Variants in EPB41 observed in about 807,000 individuals in gnomAD.
EPB41 encodes erythrocyte membrane protein band 4.1, also known as protein 4.1.
A neutral mutation model predicts 108.0 loss-of-function variants in EPB41; 65 were observed. The ratio of observed to expected loss-of-function variants is 0.60; its 90% CI spans 0.49 to 0.74. EPB41 has a LOEUF of 0.74. Among genes scored for constraint, EPB41 ranks in the 30% least tolerant of loss-of-function variants. EPB41 has a pLI of 0.00. For missense variants in EPB41, 875 were observed against 1,037.0 expected (o/e 0.84, Z 2.15); for synonymous variants, 336 against 358.9 (o/e 0.94, Z 0.72).
rs1574142841 is a variant in EPB41, at chr1:29,116,990, A to C, written c.*178A>C. The C allele has an allele frequency of 6.6e-6, 1 of 152,220 alleles. No individual in the cohort carries two copies. The highest frequency in any genetic ancestry group is 1.9e-4 in the East Asian group (1 of 5,206). 9.4% of individuals were successfully genotyped at this position (152,220 alleles called of 1,614,324 possible). On this transcript the variant is annotated 3_prime_UTR_variant, in exon 21 of 21. Transcript: ENST00000343067. ...ATACCAAGAGATTCTTCTAGATCTC[A>C]TTGATCCTTTTGAAGAGCTTTTTCT...
At chr1:28,961,319 C>T (rs1398795441) in intron 1 of EPB41, among the ~76,000 whole-genome samples, 1 of 152,020 alleles carries the variant, frequency 6.6e-6, no homozygotes, top group Non-Finnish European at 1.5e-5. Context: ...GAAAAATCAC[C>T]TTACATGAAT....
chr1:28,937,142 A>T (rs1192605542), intron 1 of EPB41, among the ~76,000 whole-genome samples: 1 of 152,156 alleles, frequency 6.6e-6, no homozygotes, highest in Non-Finnish European at 1.5e-5. Flanking sequence ...AGGGGTTTTG[A>T]ATTGCATTTC....
At chr1:29,020,732 G>A (rs1161978483) in intron 7 of EPB41, among the ~76,000 whole-genome samples, 1 of 151,996 alleles carries the variant, frequency 6.6e-6, no homozygotes, top group Non-Finnish European at 1.5e-5. Context: ...ATCATAGCTC[G>A]CTGCAGCTTC....
intron 19 of EPB41, among the ~76,000 whole-genome samples, chr1:29,112,739 A>G (rs185201835): frequency 6.6e-6 from 1 of 152,326 alleles, no homozygotes; most frequent in East Asian, 1.9e-4. Flanking sequence ...TCCATTTTGC[A>G]TCTGTAAGAT....
chr1:29,108,028 CA>C (rs1174568864), intron 17 of EPB41, among the ~76,000 whole-genome samples: 836 of 44,342 alleles, frequency 0.019, 2 homozygotes, highest in African/African-American at 0.05. Flanking sequence ...GACTCCATCT[CA>C]AAAAAAAAAA....
rs111642750 is a variant in EPB41 at position 28,993,501 on chromosome 1, G to A, written c.640G>A (p.Val214Ile). The change falls in exon 3 of 21, where the codon GTT becomes ATT. Residue 214 changes from valine (V) to isoleucine (I), a missense_variant. Physicochemically the swap from Val to Ile is conservative, Grantham distance 29. Coordinates refer to ENST00000343067, the MANE Select transcript of EPB41 (RefSeq NM_001376013.1). ...AAAACACAGGAACATGCACTGCAAGGTTTCTTTGTTGGATGACACAGTTTA... is the reference window on the plus strand; with the variant it reads ...AAAACACAGGAACATGCACTGCAAGATTTCTTTGTTGGATGACACAGTTTA... Reference protein sequence around the residue: ...IRKHRNMHCKVSLLDDTVYEC... With the variant: ...IRKHRNMHCKISLLDDTVYEC... The A allele has an allele frequency of 0.043, 68,907 of 1,613,946 alleles. 1,701 individuals carry two copies. Among genetic ancestry groups the A allele is most frequent in the Middle Eastern group, 0.064 (387 of 6,054 alleles).
At chr1:28,999,392 C>T (rs952607905) in intron 4 of EPB41, among the ~76,000 whole-genome samples, 6 of 151,858 alleles carry the variant, frequency 4.0e-5, no homozygotes, top group Non-Finnish European at 8.8e-5. Flanking sequence ...AAAGAAAATT[C>T]TCCCATGAAT....
intron 5 of EPB41, among the ~76,000 whole-genome samples, chr1:29,013,177 T>C (rs765156637): frequency 6.6e-6 from 1 of 151,926 alleles, no homozygotes; most frequent in Non-Finnish European, 1.5e-5. Context: ...ATACAAAAAT[T>C]AGCTGGGTGT....
At chr1:28,981,461 T>C (rs1456105450) in intron 1 of EPB41, among the ~76,000 whole-genome samples, 1 of 152,240 alleles carries the variant, frequency 6.6e-6, no homozygotes, top group African/African-American at 2.4e-5. Context: ...CTTCAAAATA[T>C]AAATGATTGT....
At chr1:29,022,407 A>G (rs559798068) in intron 7 of EPB41, among the ~76,000 whole-genome samples, 3 of 150,948 alleles carry the variant, frequency 2.0e-5, no homozygotes, top group Non-Finnish European at 4.4e-5. Context: ...TGCCATTGAT[A>G]AGTTTTAGTG....
intron 16 of EPB41, among the ~76,000 whole-genome samples, chr1:29,077,673 T>C (rs574209831): frequency 6.6e-6 from 1 of 152,316 alleles, no homozygotes; most frequent in South Asian, 2.1e-4. Flanking sequence ...AGGCAAACTT[T>C]TTCTGTAAAG....
Position 28,933,926 on chromosome 1 carries a change from T to A in EPB41, c.-8+19158T>A, listed in dbSNP as rs188538564. ...ATATTAGTATAGTATATTTTTAACATTAGTAAACTGATATTGATACATTAT... is the reference window on the plus strand; with the variant it reads ...ATATTAGTATAGTATATTTTTAACAATAGTAAACTGATATTGATACATTAT... On this transcript the variant is annotated intron_variant, in intron 1 of 20. Coordinates refer to ENST00000343067, the MANE Select transcript of EPB41 (RefSeq NM_001376013.1). Among the ~76,000 whole-genome samples, 88 of 152,310 alleles carry A rather than the reference T, an allele frequency of 5.8e-4. 1 individual carries two copies. The East Asian group carries it at 0.014, about 24-fold the overall frequency.
chr1:29,098,067 C>T, intron 17 of EPB41, 132 bp downstream of exon 17: 2 of 1,332,624 alleles, frequency 1.5e-6, no homozygotes, highest in Non-Finnish European at 2.1e-6. Context: ...GAAGAGATTA[C>T]TGGTCTAAGA....
At chr1:29,067,510 A>G (rs1477346641) in intron 16 of EPB41, among the ~76,000 whole-genome samples, 1 of 148,696 alleles carries the variant, frequency 6.7e-6, no homozygotes, top group Non-Finnish European at 1.5e-5. Flanking sequence ...AAAAAAAAAA[A>G]AAAAAAAAAA....
intron 11 of EPB41, among the ~76,000 whole-genome samples, chr1:29,046,055 A>G (rs1174169819): frequency 1.3e-5 from 2 of 152,240 alleles, no homozygotes; most frequent in African/African-American, 2.4e-5. Flanking sequence ...TTTGGTACAT[A>G]GAAATACAAT....
At chr1:29,055,003 A>C (rs1645127565) in intron 12 of EPB41, among the ~76,000 whole-genome samples, 1 of 152,210 alleles carries the variant, frequency 6.6e-6, no homozygotes, top group African/African-American at 2.4e-5. Context: ...ACACCACTGC[A>C]CTCCAGCCTG....
At position 29,070,183 on chromosome 1, in the gene EPB41, C is replaced by G. The variant is rs1313557524; in HGVS notation, c.2184+5025C>G. The G allele has an allele frequency of 9.7e-6, 4 of 410,788 alleles. No individual in the cohort carries two copies. In the Admixed American group the frequency reaches 1.3e-4, roughly 14 times the overall value. The allele number at this position is 410,788 out of a possible 1,614,324, so 25.4% of individuals were successfully genotyped here. A position where few individuals can be genotyped will look rare whatever the true frequency, so the allele number is the denominator to read the frequency against. ...CTCAAAAAGGTATCTATTGAGCACC[C>G]TATTGTGTTACAGAAACTTTGCCAG... On this transcript the variant is annotated intron_variant, in intron 16 of 20. Coordinates refer to ENST00000343067, the MANE Select transcript of EPB41 (RefSeq NM_001376013.1).
intron 3 of EPB41, among the ~76,000 whole-genome samples, chr1:28,993,787 G>T (rs1420186279): frequency 6.6e-6 from 1 of 151,160 alleles, no homozygotes; most frequent in Non-Finnish European, 1.5e-5. Flanking sequence ...CTCCCGAGTA[G>T]CTGGGATTAC....
rs58524634 is a variant in EPB41 at position 28,941,894 on chromosome 1, CAAAAAA to C, written c.-8+27142_-8+27147del. Among the ~76,000 whole-genome samples the C allele has an allele frequency of 1.8e-3, 117 of 64,868 alleles. 3 individuals carry two copies. The East Asian group carries it at 0.044, about 25-fold the overall frequency. 42.6% of individuals were successfully genotyped at this position (64,868 alleles called of 152,430 possible). A position where few individuals can be genotyped will look rare whatever the true frequency, so the allele number is the denominator to read the frequency against. On this transcript the variant is annotated intron_variant, in intron 1 of 20. Transcript: ENST00000343067. ...GGGCAACAAGAGTGAAGCTCTGTCT[CAAAAAA>C]AAAAAAAAAAAAAAAGCAAAAACCT... is the stretch of plus-strand genomic sequence containing the variant.
Sources: allele counts gnomAD v4.1 joint callset (sites outside exome capture counted in the v4.1 genomes callset), GRCh38; gene constraint gnomAD v4.1.1; transcripts MANE v1.5; gene names NCBI Gene and HGNC (gene_info 2026-07-23, HGNC 2026-07-21).